Variants in RANBP2 observed in about 807,000 individuals in gnomAD.
RANBP2 encodes the protein RAN binding protein 2.
In RANBP2, 57 loss-of-function variants were observed where a neutral mutation model predicts 303.6. That is an observed-to-expected ratio of 0.19 (90% confidence interval 0.15 to 0.23). RANBP2 has a LOEUF of 0.23. RANBP2 is among the 10% of genes least tolerant of loss of function. The pLI is 1.00. For synonymous variants in RANBP2, 1,167 were observed against 1,301.5 expected (o/e 0.90, Z 2.23); for missense variants, 3,138 against 3,780.8 (o/e 0.83, Z 4.46).
the RANBP2 span, among the ~76,000 whole-genome samples, chr2:108,947,078 T>C: frequency 6.6e-6 from 1 of 152,170 alleles, no homozygotes; most frequent in Non-Finnish European, 1.5e-5. Flanking sequence ...ATACAGCCAT[T>C]GAGTTTCCAT....
At chr2:109,578,193 G>A in the RANBP2 span, among the ~76,000 whole-genome samples, 1 of 152,108 alleles carries the variant, frequency 6.6e-6, no homozygotes, top group African/African-American at 2.4e-5. Context: ...AAATATGTCG[G>A]TAATTACATT....
chr2:108,853,682 A>G, the RANBP2 span, among the ~76,000 whole-genome samples: 1 of 149,800 alleles, frequency 6.7e-6, no homozygotes, highest in African/African-American at 2.5e-5. Flanking sequence ...ATGCACTACG[A>G]TGACCATCTA....
chr2:108,850,805 T>G, the RANBP2 span, among the ~76,000 whole-genome samples: 6 of 152,018 alleles, frequency 3.9e-5, no homozygotes, highest in Non-Finnish European at 7.4e-5. Context: ...TTAACTGTGT[T>G]TTTTCTCTAC....
the RANBP2 span, among the ~76,000 whole-genome samples, chr2:109,208,370 G>A: frequency 1.3e-5 from 2 of 152,234 alleles, no homozygotes; most frequent in Non-Finnish European, 2.9e-5. Context: ...AGTTTCCCAT[G>A]CTCGGTCTTC....
At chr2:109,616,157 C>G in the RANBP2 span, 2 of 1,402,242 alleles carry the variant, frequency 1.4e-6, no homozygotes, top group Admixed American at 3.4e-5. Context: ...GAAGGACAAG[C>G]TAAATTATGC....
the RANBP2 span, among the ~76,000 whole-genome samples, chr2:109,620,281 A>G: frequency 1.3e-5 from 2 of 152,188 alleles, no homozygotes; most frequent in Admixed American, 6.5e-5. Context: ...CTTAAATACC[A>G]GCCTATCAGT....
the RANBP2 span, among the ~76,000 whole-genome samples, chr2:109,767,330 G>C: frequency 6.7e-6 from 1 of 149,426 alleles, no homozygotes; most frequent in African/African-American, 2.5e-5. Flanking sequence ...TTTCTTAGTC[G>C]TGCATCATAG....
At chr2:108,979,559 G>T in the RANBP2 span, among the ~76,000 whole-genome samples, 1 of 152,048 alleles carries the variant, frequency 6.6e-6, no homozygotes, top group Admixed American at 6.6e-5. Flanking sequence ...GTAAGCTAGG[G>T]GCATGTCAGG....
At chr2:109,688,648 G>T in the RANBP2 span, among the ~76,000 whole-genome samples, 1 of 151,404 alleles carries the variant, frequency 6.6e-6, no homozygotes, top group Non-Finnish European at 1.5e-5. Flanking sequence ...GCGTAGTGGC[G>T]CACGCCTGTA....
intron 17 of RANBP2, among the ~76,000 whole-genome samples, chr2:108,757,082 G>T (rs1391548099): frequency 6.6e-6 from 1 of 152,186 alleles, no homozygotes; most frequent in African/African-American, 2.4e-5. Context: ...AGACATGCTA[G>T]ATCTGTCCCT....
chr2:109,388,140 T>C, the RANBP2 span, among the ~76,000 whole-genome samples: 1 of 152,158 alleles, frequency 6.6e-6, no homozygotes, highest in African/African-American at 2.4e-5. Flanking sequence ...TCCATGACCT[T>C]GAAATACTTA....
chr2:109,030,735 C>T, the RANBP2 span, among the ~76,000 whole-genome samples: 1 of 152,114 alleles, frequency 6.6e-6, no homozygotes, highest in African/African-American at 2.4e-5. Flanking sequence ...GGTTCTGTCT[C>T]TTGACAGTTT....
the RANBP2 span, among the ~76,000 whole-genome samples, chr2:108,854,037 A>AT: frequency 1.0e-4 from 7 of 69,352 alleles, no homozygotes; most frequent in African/African-American, 4.1e-4. Flanking sequence ...TATTATATAT[A>AT]ATATATAATA....
At chr2:109,516,692 G>A in the RANBP2 span, among the ~76,000 whole-genome samples, 2 of 152,220 alleles carry the variant, frequency 1.3e-5, no homozygotes, top group Non-Finnish European at 2.9e-5. Context: ...AAGCAGGGCT[G>A]GCGTGTGAGG....
the RANBP2 span, among the ~76,000 whole-genome samples, chr2:108,987,404 G>GGCT: frequency 7.5e-4 from 114 of 152,298 alleles, 4 homozygotes; most frequent in East Asian, 0.015. Context: ...AGCAATGTTG[G>GGCT]GCTGCCGCCC....
chr2:109,487,738 C>G, the RANBP2 span, among the ~76,000 whole-genome samples: 3 of 152,058 alleles, frequency 2.0e-5, no homozygotes, highest in Admixed American at 1.3e-4. Flanking sequence ...GCCCTGGGAG[C>G]AAGAATCTGC....
chr2:108,975,975 C>T, the RANBP2 span, among the ~76,000 whole-genome samples: 1 of 152,298 alleles, frequency 6.6e-6, no homozygotes, highest in East Asian at 1.9e-4. Flanking sequence ...AAATTCAATA[C>T]AGAGTGTTCC....
chr2:109,574,179 C>T, the RANBP2 span, among the ~76,000 whole-genome samples: 2 of 151,858 alleles, frequency 1.3e-5, no homozygotes, highest in South Asian at 2.1e-4. Flanking sequence ...TGGCTCATGC[C>T]TGTAGTTCTA....
chr2:108,978,291 T>C, the RANBP2 span, among the ~76,000 whole-genome samples: 1 of 152,210 alleles, frequency 6.6e-6, no homozygotes, highest in South Asian at 2.1e-4. Flanking sequence ...AAATACACCA[T>C]CCATGTCTAG....
Sources: gnomAD v4.1 joint callset for allele counts (sites outside exome capture counted in the v4.1 genomes callset) on GRCh38, gnomAD v4.1.1 for gene constraint, MANE v1.5 for transcripts, NCBI Gene and HGNC (gene_info 2026-07-23, HGNC 2026-07-21) for gene names.